The following MGAM variants were observed in gnomAD, a reference collection of about 807,000 sequenced individuals.
MGAM encodes maltase-glucoamylase.
In MGAM, 253 loss-of-function variants were observed where a neutral mutation model predicts 358.8. The observed-to-expected ratio is 0.71, with a 90% CI of 0.64 to 0.78. The LOEUF is 0.78. MGAM is among the 30% of genes least tolerant of loss of function. MGAM has a pLI of 0.00. For synonymous variants in MGAM, 1,105 were observed against 1,227.1 expected, an observed-to-expected ratio of 0.90 and a Z score of 2.08; for missense variants, 3,080 against 3,432.6, an observed-to-expected ratio of 0.90 and a Z score of 2.57.
chr7:142,104,511 C>A (rs1015491607), intron 70 of MGAM, among the ~76,000 whole-genome samples: 1 of 152,134 alleles, frequency 6.6e-6, no homozygotes, highest in Admixed American at 6.5e-5. Flanking sequence ...TATAAAAATT[C>A]TTCCACTAGT....
rs773781835 is a variant in MGAM, at chr7:142,058,211, C to G, written c.3702C>G (p.Gly1234=). Residue 1234 remains glycine (G), a synonymous_variant, in exon 31 of 71, where the codon GGC becomes GGG. Transcript: ENST00000475668. ...TTCTGTCTATTTTCTAGTTGATTGG[C>G]CGGCCTGTGATGGTACCTTACTGGT... ...LVTQQYTELI[G]RPVMVPYWSL... 9 of 1,613,652 alleles carry G rather than the reference C, an allele frequency of 5.6e-6. No homozygotes were observed. The highest frequency in any genetic ancestry group is 1.7e-5 in the Admixed American group (1 of 59,984).
intron 2 of MGAM, among the ~76,000 whole-genome samples, chr7:141,988,681 G>A (rs1803815614): frequency 6.6e-6 from 1 of 151,760 alleles, no homozygotes; most frequent in Non-Finnish European, 1.5e-5. Context: ...AAAGTTTTAT[G>A]TGAATACTAG....
intron 3 of MGAM, among the ~76,000 whole-genome samples, chr7:142,010,232 GA>G (rs1171888857): frequency 1.3e-5 from 2 of 151,836 alleles, no homozygotes; most frequent in Non-Finnish European, 2.9e-5. Context: ...ATGGATCTTA[GA>G]AAAAAAGATC....
chr7:142,105,418 G>A (rs1330580254), intron 70 of MGAM, among the ~76,000 whole-genome samples: 2 of 152,088 alleles, frequency 1.3e-5, no homozygotes, highest in Non-Finnish European at 2.9e-5. Context: ...CTCCCTAGTA[G>A]CTGGGATTAC....
chr7:142,021,573 T>C lies in MGAM; in HGVS notation c.559-13T>C. ...TTTATTTTGGCTTTCCTTCTATTTC[T>C]ATCTCTGCACAGTTGACTGACCAAA... is the stretch of plus-strand genomic sequence containing the variant. On this transcript the variant is annotated splice_polypyrimidine_tract_variant and intron_variant, in intron 5 of 70. Coordinates refer to ENST00000475668, the MANE Select transcript of MGAM (RefSeq NM_001365693.1). 1 of 1,612,172 alleles carries C rather than the reference T, an allele frequency of 6.2e-7. No individual in the cohort carries two copies. The highest frequency in any genetic ancestry group is 8.5e-7 in the Non-Finnish European group (1 of 1,178,930).
chr7:142,021,780 A>G (rs782818625), intron 6 of MGAM, 43 bp downstream of exon 6: 3 of 1,601,506 alleles, frequency 1.9e-6, no homozygotes, highest in South Asian at 2.2e-5. Context: ...TAGGAAGGTT[A>G]CAGGGAGGTC....
chr7:142,007,491 T>C (rs1288204108), intron 2 of MGAM, among the ~76,000 whole-genome samples: 3 of 152,124 alleles, frequency 2.0e-5, no homozygotes, highest in Non-Finnish European at 4.4e-5. Flanking sequence ...TCCCAAAGAT[T>C]GCTCAACTCT....
intron 47 of MGAM, among the ~76,000 whole-genome samples, chr7:142,077,353 C>T (rs1337358808): frequency 2.1e-5 from 3 of 144,902 alleles, no homozygotes; most frequent in Admixed American, 7.0e-5. Context: ...GGAGTGGGGG[C>T]TGGGGACTAG....
At chr7:142,065,554 G>A (rs2129043866) in intron 38 of MGAM, 34 bp from the exon 39 acceptor site, 2 of 1,613,974 alleles carry the variant, frequency 1.2e-6, no homozygotes, top group South Asian at 2.2e-5. Flanking sequence ...GATCATGAGA[G>A]CCTGGTGTGA....
intron 35 of MGAM, among the ~76,000 whole-genome samples, chr7:142,063,048 ATTAG>A (rs1014394366): frequency 1.3e-5 from 2 of 152,108 alleles, no homozygotes; most frequent in Non-Finnish European, 2.9e-5. Context: ...AAAATACAAA[ATTAG>A]TTGGGTGTGG....
intron 67 of MGAM, 59 bp from the exon 68 acceptor site, chr7:142,100,743 T>A: frequency 7.0e-7 from 1 of 1,419,120 alleles, no homozygotes; most frequent in Non-Finnish European, 9.8e-7. Flanking sequence ...GTATGTAAAG[T>A]CTTGGTTTGT....
At chr7:142,088,822 C>CTATCTATCT (rs1263603406) in intron 57 of MGAM, among the ~76,000 whole-genome samples, 2 of 124,854 alleles carry the variant, frequency 1.6e-5, no homozygotes, top group East Asian at 5.0e-4. Flanking sequence ...ATCTATGTAC[C>CTATCTATCT]ATCTATCTAT....
chr7:141,988,917 T>G (rs1454785153), intron 2 of MGAM, among the ~76,000 whole-genome samples: 1 of 152,232 alleles, frequency 6.6e-6, no homozygotes, highest in Non-Finnish European at 1.5e-5. Context: ...AACTAACTCC[T>G]TTTTGCCCTT....
upstream of MGAM, among the ~76,000 whole-genome samples, chr7:141,991,291 A>G (rs1040606969): frequency 2.0e-5 from 3 of 152,154 alleles, no homozygotes; most frequent in Admixed American, 6.5e-5. Context: ...TAATGACTGT[A>G]TATTGATGGA....
rs781838958 is a variant in MGAM, at chr7:142,008,475, A to T, written c.128-31A>T. The T allele has an allele frequency of 1.9e-6, 3 of 1,569,144 alleles. No individual in the cohort carries two copies. The Admixed American group carries it at 5.7e-5, about 30-fold the overall frequency. On this transcript the variant is annotated intron_variant, in intron 2 of 70. Transcript: ENST00000475668. Reference sequence around the variant, plus strand: ...AATGTCTGTGAAATTAAATTTGTCTAATGGTCTTTTTATGTTTGCTTTTGG... The same window carrying T: ...AATGTCTGTGAAATTAAATTTGTCTTATGGTCTTTTTATGTTTGCTTTTGG...
intron 18 of MGAM, among the ~76,000 whole-genome samples, chr7:142,038,076 G>A (rs868951738): frequency 3.1e-4 from 47 of 151,760 alleles, no homozygotes; most frequent in African/African-American, 1.1e-3. Context: ...CCAGCCTCTG[G>A]TAACCGTCCT....
At chr7:141,993,648 GA>G (rs1804039346), upstream of MGAM, among the ~76,000 whole-genome samples, 1 of 152,158 alleles carries the variant, frequency 6.6e-6, no homozygotes, top group Admixed American at 6.5e-5. Flanking sequence ...CTTGGAGGGG[GA>G]AAATATTTAC....
chr7:141,991,223 C>A (rs1332977416), upstream of MGAM, among the ~76,000 whole-genome samples: 1 of 152,140 alleles, frequency 6.6e-6, no homozygotes. Context: ...GGCCACAGTA[C>A]GCACTCTGTA....
At chr7:142,001,282 A>G (rs540172233) in intron 1 of MGAM, among the ~76,000 whole-genome samples, 18 of 152,316 alleles carry the variant, frequency 1.2e-4, no homozygotes, top group Non-Finnish European at 2.2e-4. Context: ...GCATAGTAAG[A>G]GGGCATTACG....
Sources: gnomAD v4.1 joint callset for allele counts (sites outside exome capture counted in the v4.1 genomes callset) on GRCh38, gnomAD v4.1.1 for gene constraint, MANE v1.5 for transcripts, NCBI Gene and HGNC (gene_info 2026-07-23, HGNC 2026-07-21) for gene names.